The following ZNF343 variants were observed in gnomAD, a reference collection of about 807,000 sequenced individuals.
ZNF343 encodes the protein zinc finger protein 343.
ZNF343 carries 11 observed loss-of-function variants against 13.8 expected under a neutral mutation model. That is an observed-to-expected ratio of 0.80 (90% CI 0.50 to 1.32). The LOEUF is 1.32. ZNF343 is among the 40% of genes most tolerant of loss of function. The pLI is 0.00. For synonymous variants in ZNF343, 248 were observed against 260.0 expected, an observed-to-expected ratio of 0.95 and a Z score of 0.44; for missense variants, 658 against 714.2, an observed-to-expected ratio of 0.92 and a Z score of 0.90.
intron 5 of ZNF343, among the ~76,000 whole-genome samples, chr20:2,488,202 T>C: frequency 6.6e-6 from 1 of 152,184 alleles, no homozygotes; most frequent in East Asian, 1.9e-4. Flanking sequence ...TTTTCCTGTG[T>C]CCAGGTGATA....
At chr20:2,486,830 C>G (rs1367597212) in intron 5 of ZNF343, 1 of 151,400 alleles carries the variant, frequency 6.6e-6, no homozygotes, top group Non-Finnish European at 1.5e-5. Context: ...TTACAAAACA[C>G]AAATATACAA....
intron 1 of ZNF343, among the ~76,000 whole-genome samples, chr20:2,505,415 C>G (rs957530030): frequency 1.3e-5 from 2 of 152,164 alleles, no homozygotes; most frequent in Non-Finnish European, 2.9e-5. Flanking sequence ...ATCAAGCTAC[C>G]AATGACATTC....
upstream of ZNF343, among the ~76,000 whole-genome samples, chr20:2,512,273 C>T (rs62192949): frequency 0.026 from 4,003 of 152,280 alleles, 78 homozygotes; most frequent in Non-Finnish European, 0.043. Flanking sequence ...GCAATGCTAT[C>T]CTTGTCAAAA....
chr20:2,515,973 T>A (rs2085757488), intron 1 of ZNF343, among the ~76,000 whole-genome samples: 1 of 151,618 alleles, frequency 6.6e-6, no homozygotes, highest in South Asian at 2.1e-4. Context: ...AGATTGAGGG[T>A]CAAGGTCAGA....
At chr20:2,515,566 T>C (rs923544801) in intron 1 of ZNF343, among the ~76,000 whole-genome samples, 2 of 152,250 alleles carry the variant, frequency 1.3e-5, no homozygotes, top group African/African-American at 4.8e-5. Context: ...TAACTAGTGA[T>C]AACTTGAGAC....
chr20:2,512,675 A>G (rs2085743499), upstream of ZNF343, among the ~76,000 whole-genome samples: 1 of 152,202 alleles, frequency 6.6e-6, no homozygotes, highest in South Asian at 2.1e-4. Context: ...AAAGACTATA[A>G]AGATCTAAAT....
chr20:2,512,920 A>C (rs1367896002), upstream of ZNF343, among the ~76,000 whole-genome samples: 1 of 16,894 alleles, frequency 5.9e-5, no homozygotes, highest in African/African-American at 1.7e-3. Flanking sequence ...TTTCTCTACC[A>C]AAAAAAAAAA....
intron 2 of ZNF343, among the ~76,000 whole-genome samples, chr20:2,495,816 G>A (rs189714761): frequency 1.4e-4 from 22 of 152,170 alleles, no homozygotes; most frequent in Admixed American, 1.2e-3. Context: ...AAGTACCTGG[G>A]ATTACAGGCA....
intron 5 of ZNF343, among the ~76,000 whole-genome samples, chr20:2,491,233 G>T (rs1481414892): frequency 2.0e-5 from 3 of 152,084 alleles, no homozygotes; most frequent in African/African-American, 7.2e-5. Context: ...ACTAAGATGT[G>T]CTCTAAGTGT....
intron 5 of ZNF343, among the ~76,000 whole-genome samples, chr20:2,489,910 G>A (rs184822461): frequency 5.2e-4 from 79 of 152,202 alleles, no homozygotes; most frequent in African/African-American, 1.8e-3. Context: ...CCAGCACTCT[G>A]GGAGGCTGGG....
At chr20:2,505,150 A>G (rs2122711824) in intron 1 of ZNF343, among the ~76,000 whole-genome samples, 1 of 149,526 alleles carries the variant, frequency 6.7e-6, no homozygotes, top group Non-Finnish European at 1.5e-5. Context: ...GCATTCTTAT[A>G]CACCAATAAC....
intron 1 of ZNF343, among the ~76,000 whole-genome samples, chr20:2,501,103 C>T (rs1425457212): frequency 2.0e-5 from 3 of 152,132 alleles, no homozygotes; most frequent in Non-Finnish European, 4.4e-5. Context: ...TTGGGTCACT[C>T]CCACCCTAAT....
chr20:2,485,220 G>C (rs1204618410), intron 5 of ZNF343, among the ~76,000 whole-genome samples: 1 of 152,166 alleles, frequency 6.6e-6, no homozygotes, highest in Non-Finnish European at 1.5e-5. Context: ...TCTCTACTAA[G>C]TATTATGAAT....
chr20:2,499,737 G>A (rs2122668137), intron 2 of ZNF343, among the ~76,000 whole-genome samples: 1 of 152,274 alleles, frequency 6.6e-6, no homozygotes, highest in South Asian at 2.1e-4. Flanking sequence ...AAGACTCAGA[G>A]CTCCGGCTGG....
intron 5 of ZNF343, among the ~76,000 whole-genome samples, chr20:2,487,910 A>G (rs1053970827): frequency 7.2e-5 from 11 of 152,232 alleles, no homozygotes; most frequent in African/African-American, 2.7e-4. Flanking sequence ...TTAGAAGTGA[A>G]GTTGAACACC....
Position 2,492,827 on chromosome 20 carries a change from TACAA to T in ZNF343, c.178-6_178-3del. On this transcript the variant is annotated splice_region_variant and splice_polypyrimidine_tract_variant and intron_variant, in intron 4 of 5. Coordinates refer to ENST00000278772, the MANE Select transcript of ZNF343 (RefSeq NM_024325.6). The stretch of plus-strand genomic sequence containing the variant: ...CACATCCCTGAATGTAACTGGTACC[TACAA>T]ACAACCAGTAAATTAATGTATAGCA... 6.2e-7 allele frequency: 1 copy of T among 1,612,880 alleles called. No individual in the cohort carries two copies. The highest frequency in any genetic ancestry group is 8.5e-7 in the Non-Finnish European group (1 of 1,179,966).
chr20:2,483,092 G>A lies in ZNF343; in HGVS notation c.*69C>T. On this transcript the variant is annotated 3_prime_UTR_variant, in exon 6 of 6. Coordinates refer to ENST00000278772, the MANE Select transcript of ZNF343 (RefSeq NM_024325.6). ...GGGTCTACTCCCCATGTGTCTCTCT[G>A]GGGTAACATGAGGCTTGACTGGTCA... 6.6e-7 allele frequency: 1 copy of A among 1,516,056 alleles called. No homozygotes were observed. Among genetic ancestry groups the A allele is most frequent in the Non-Finnish European group, 8.9e-7 (1 of 1,123,960 alleles). The allele number at this position is 1,516,056 out of a possible 1,614,324, so 93.9% of individuals were successfully genotyped here. A position where few individuals can be genotyped will look rare whatever the true frequency, so the allele number is the denominator to read the frequency against.
chr20:2,484,468 A>T lies in ZNF343; in HGVS notation c.493T>A (p.Phe165Ile). 1 of 1,614,186 alleles carries T rather than the reference A, an allele frequency of 6.2e-7. No homozygotes were observed. The highest frequency in any genetic ancestry group is 8.5e-7 in the Non-Finnish European group (1 of 1,180,034). The change falls in exon 6 of 6, where the codon TTT (phenylalanine) becomes ATT (isoleucine). Residue 165 changes from phenylalanine to isoleucine, a missense_variant. Physicochemically the swap from Phe to Ile is conservative, Grantham distance 21 (BLOSUM62 0). Coordinates refer to ENST00000278772, the MANE Select transcript of ZNF343 (RefSeq NM_024325.6). ...GQQYSHVSCW[F>I]ENAEGQERGG... ...CTCTCCTGACCTTCTGCATTTTCAA[A>T]CCAACAGCTTACATGGGAATACTGC... is the stretch of plus-strand genomic sequence containing the variant.
At chr20:2,506,725 C>T (rs1184529189) in intron 1 of ZNF343, among the ~76,000 whole-genome samples, 2 of 152,088 alleles carry the variant, frequency 1.3e-5, no homozygotes, top group Non-Finnish European at 2.9e-5. Context: ...TGTTCTCACT[C>T]ATAGGTGGGA....
Sources: gnomAD v4.1 joint callset for allele counts (sites outside exome capture counted in the v4.1 genomes callset) on GRCh38, gnomAD v4.1.1 for gene constraint, MANE v1.5 for transcripts, NCBI Gene and HGNC (gene_info 2026-07-23, HGNC 2026-07-21) for gene names.